The following ABLIM2 variants were observed in gnomAD, a reference collection of about 807,000 sequenced individuals.
ABLIM2 encodes the protein actin binding LIM protein family member 2.
A neutral mutation model predicts 97.7 loss-of-function variants in ABLIM2; 53 were observed. The ratio of observed to expected loss-of-function variants is 0.54; its 90% CI spans 0.44 to 0.68. ABLIM2 has a LOEUF of 0.68. ABLIM2 is among the 30% of genes least tolerant of loss of function. The pLI is 0.00. For missense variants in ABLIM2, 835 were observed against 867.2 expected (o/e 0.96, Z 0.47); for synonymous variants, 361 against 345.8 (o/e 1.04, Z -0.49).
chr4:8,047,981 G>A (rs890496140), intron 8 of ABLIM2, among the ~76,000 whole-genome samples: 3 of 152,248 alleles, frequency 2.0e-5, no homozygotes, highest in South Asian at 2.1e-4. Flanking sequence ...CCAGGCTCCC[G>A]AGGAATGTTT....
At chr4:8,154,953 G>T (rs530960314) in intron 1 of ABLIM2, among the ~76,000 whole-genome samples, 3 of 152,218 alleles carry the variant, frequency 2.0e-5, no homozygotes, top group Non-Finnish European at 4.4e-5. Context: ...AGCGTGTGCA[G>T]GGGAACTGCC....
At chr4:8,093,286 T>A (rs1433270459) in intron 3 of ABLIM2, among the ~76,000 whole-genome samples, 1 of 152,242 alleles carries the variant, frequency 6.6e-6, no homozygotes, top group Non-Finnish European at 1.5e-5. Flanking sequence ...TGAACTCATA[T>A]CTAACATGGC....
rs890242885 is a variant in ABLIM2, at chr4:7,996,870, T to C, written c.1619-3943A>G. On this transcript the variant is annotated intron_variant, in intron 16 of 20. Coordinates refer to ENST00000447017, the MANE Select transcript of ABLIM2 (RefSeq NM_001130083.2). The surrounding 1 kb of genome is among the most constrained non-coding windows in gnomAD (Gnocchi z 4.5). Reference sequence around the variant, plus strand: ...AGAAATCTGCTATCGCTTGAATTGGTGTTTCCCCTCTGTTTTTTCTCTCTG... The same window carrying C: ...AGAAATCTGCTATCGCTTGAATTGGCGTTTCCCCTCTGTTTTTTCTCTCTG... Among the ~76,000 whole-genome samples the C allele has an allele frequency of 6.6e-6, 1 of 152,144 alleles. No individual in the cohort carries two copies. Among genetic ancestry groups the C allele is most frequent in the Non-Finnish European group, 1.5e-5 (1 of 68,020 alleles).
chr4:8,114,286 C>A (rs1051547594), intron 1 of ABLIM2, among the ~76,000 whole-genome samples: 1 of 152,186 alleles, frequency 6.6e-6, no homozygotes, highest in South Asian at 2.1e-4. Flanking sequence ...GCCACACACA[C>A]CCTGTGCCAG....
rs113521408 is a variant in ABLIM2 at position 8,027,909 on chromosome 4, C to A, written c.1169-52G>T. 5,580 of 1,303,564 alleles carry A rather than the reference C, an allele frequency of 4.3e-3. 162 individuals carry two copies. The African/African-American group carries it at 0.069, about 16-fold the overall frequency. The allele number at this position is 1,303,564 out of a possible 1,614,324, so 80.7% of individuals were successfully genotyped here. A position where few individuals can be genotyped will look rare whatever the true frequency, so the allele number is the denominator to read the frequency against. On this transcript the variant is annotated intron_variant, in intron 11 of 20. Transcript: ENST00000447017. ...AGTCAACCTGGGCTGGCTGGTGCAA[C>A]GCCACACATATTCCTCATCCCCACT...
chr4:8,004,144 C>T lies in ABLIM2; in HGVS notation c.1618+3915G>A, dbSNP rs577048352. On this transcript the variant is annotated intron_variant, in intron 16 of 20. Coordinates refer to ENST00000447017, the MANE Select transcript of ABLIM2 (RefSeq NM_001130083.2). This position sits in a 1 kb window ranked among gnomAD's most constrained non-coding sequence, Gnocchi z 5.9. The stretch of plus-strand genomic sequence containing the variant: ...TTCCACAGAAAAGCTGCAGCAGGGT[C>T]GCTGTCTCCTAACCCTCCCTCCCAA... Among the ~76,000 whole-genome samples, 11 of 149,218 alleles carry T rather than the reference C, an allele frequency of 7.4e-5. No homozygotes were observed. The highest frequency in any genetic ancestry group is 2.8e-4 in the African/African-American group (11 of 39,788).
intron 1 of ABLIM2, among the ~76,000 whole-genome samples, chr4:8,135,555 G>A (rs1000484133): frequency 2.0e-5 from 3 of 152,250 alleles, no homozygotes; most frequent in South Asian, 2.1e-4. Context: ...GTGAGAAGAC[G>A]TCATTGATGA....
At chr4:8,101,966 C>T (rs1834870793) in intron 2 of ABLIM2, among the ~76,000 whole-genome samples, 1 of 152,188 alleles carries the variant, frequency 6.6e-6, no homozygotes. Flanking sequence ...CTCATCCCAG[C>T]CGCCATTGGC....
At position 7,996,594 on chromosome 4, in the gene ABLIM2, T is replaced by A. The variant is rs1209779387; in HGVS notation, c.1619-3667A>T. 6.6e-6 allele frequency among the ~76,000 whole-genome samples: 1 copy of A among 152,240 alleles called. No homozygotes were observed. The highest frequency in any genetic ancestry group is 2.4e-5 in the African/African-American group (1 of 41,466). ...TCTGCTTCAACCATCCAATGTGATATAAGAATATGATTCTTTCCAAGAAGA... is the reference window on the plus strand; with the variant it reads ...TCTGCTTCAACCATCCAATGTGATAAAAGAATATGATTCTTTCCAAGAAGA... On this transcript the variant is annotated intron_variant, in intron 16 of 20. Coordinates refer to ENST00000447017, the MANE Select transcript of ABLIM2 (RefSeq NM_001130083.2). The surrounding 1 kb of genome is among the most constrained non-coding windows in gnomAD (Gnocchi z 4.5).
chr4:8,137,413 G>A (rs1395818358), intron 1 of ABLIM2, among the ~76,000 whole-genome samples: 1 of 152,216 alleles, frequency 6.6e-6, no homozygotes, highest in African/African-American at 2.4e-5. Flanking sequence ...CCTGGGGAGT[G>A]GCCACAGACA....
intron 5 of ABLIM2, among the ~76,000 whole-genome samples, chr4:8,078,355 C>A (rs1254278398): frequency 1.3e-5 from 2 of 152,374 alleles, no homozygotes; most frequent in East Asian, 3.9e-4. Context: ...ACACGTGCGG[C>A]CTGCCTGCTA....
intron 7 of ABLIM2, among the ~76,000 whole-genome samples, chr4:8,060,433 C>T (rs1343763015): frequency 2.0e-5 from 3 of 152,166 alleles, no homozygotes; most frequent in African/African-American, 7.2e-5. Context: ...CCAAATCCTC[C>T]TTTCGTCAAT....
In ABLIM2 at chr4:8,086,120, G is replaced by T. The variant is rs138925643; in HGVS notation, c.454+2049C>A. On this transcript the variant is annotated intron_variant, in intron 4 of 20. Transcript: ENST00000447017. ...TTTCTAGGCACAGAAATGGTTCTAA[G>T]CTCAGGATTCTCACCACAGGCTGGG... 1.0e-3 allele frequency among the ~76,000 whole-genome samples: 154 copies of T among 152,314 alleles called. 3 individuals carry two copies. The East Asian group carries it at 0.022, about 22-fold the overall frequency.
rs1840804245 is a variant in ABLIM2, at chr4:8,112,437, G to A, written c.11-5800C>T. 6.6e-6 allele frequency among the ~76,000 whole-genome samples: 1 copy of A among 152,226 alleles called. No individual in the cohort carries two copies. On this transcript the variant is annotated intron_variant, in intron 1 of 20. Transcript: ENST00000447017. The surrounding 1 kb of genome is among the most constrained non-coding windows in gnomAD (Gnocchi z 4.2). ...TCCATTGAAGTAGAGAAAGCTCCAC[G>A]TGCAAGGTCTGACAGGTGGCCGTGA...
chr4:8,059,925 A>C (rs1429621097), intron 7 of ABLIM2, among the ~76,000 whole-genome samples: 4 of 72,152 alleles, frequency 5.5e-5, no homozygotes, highest in African/African-American at 2.2e-4. Context: ...AAAAAAAAAA[A>C]AACCCCAAAA....
At chr4:8,156,154 T>A (rs1324298493) in intron 1 of ABLIM2, among the ~76,000 whole-genome samples, 1 of 152,156 alleles carries the variant, frequency 6.6e-6, no homozygotes, top group Non-Finnish European at 1.5e-5. Flanking sequence ...AAGGATCTGG[T>A]GCCCACTGGT....
rs532927555 is a variant in ABLIM2 at position 8,054,687 on chromosome 4, C to T, written c.764-441G>A. ...CCTGCAGAGACAGCTGGTGCTGCAA[C>T]CTGGGTGGGAGCCAGCCTTGGGGAG... On this transcript the variant is annotated intron_variant, in intron 7 of 20. Coordinates refer to ENST00000447017, the MANE Select transcript of ABLIM2 (RefSeq NM_001130083.2). The surrounding 1 kb of genome is among the most constrained non-coding windows in gnomAD (Gnocchi z 4.9). Among the ~76,000 whole-genome samples, 4 of 152,306 alleles carry T rather than the reference C, an allele frequency of 2.6e-5. No individual in the cohort carries two copies. The highest frequency in any genetic ancestry group is 9.6e-5 in the African/African-American group (4 of 41,558).
Position 8,021,987 on chromosome 4 carries a change from C to T in ABLIM2, c.1268-1684G>A, listed in dbSNP as rs1774043340. ...TCGTCAGGATGCTCCACGGTGGACT[C>T]CTGCACCTCCTGGTGGCAGCAGGGG... On this transcript the variant is annotated intron_variant, in intron 12 of 20. Transcript: ENST00000447017. The surrounding 1 kb of genome is among the most constrained non-coding windows in gnomAD (Gnocchi z 5.5). Among the ~76,000 whole-genome samples, 1 of 152,172 alleles carries T rather than the reference C, an allele frequency of 6.6e-6. No individual in the cohort carries two copies.
rs1228708977 is a variant in ABLIM2 at position 8,008,142 on chromosome 4, T to A, written c.1535A>T (p.Asp512Val). 6 of 1,613,902 alleles carry A rather than the reference T, an allele frequency of 3.7e-6. No individual in the cohort carries two copies. The highest frequency in any genetic ancestry group is 2.5e-6 in the Non-Finnish European group (3 of 1,179,898). Residue 512 changes from aspartate to valine, a missense_variant, in exon 16 of 21, where the codon GAC (aspartate) becomes GTC (valine). Asp to Val is a radical substitution (Grantham distance 152, BLOSUM62 -3). Transcript: ENST00000447017. Reference sequence around the variant, plus strand: ...GTGGGACAAGGACTGGGTGTCCAGGTCTGGAGAATTGGTCCTTGTGTCTGC... The same window carrying A: ...GTGGGACAAGGACTGGGTGTCCAGGACTGGAGAATTGGTCCTTGTGTCTGC... ...GDADTRTNSP[D>V]LDTQSLSHSS...
Sources: allele counts gnomAD v4.1 joint callset (sites outside exome capture counted in the v4.1 genomes callset), GRCh38; gene constraint gnomAD v4.1.1; non-coding constraint Gnocchi (gnomAD v3.1); transcripts MANE v1.5; gene names NCBI Gene and HGNC (gene_info 2026-07-23, HGNC 2026-07-21).